PCDH9: variants seen among roughly 807,000 people sequenced by gnomAD.
The protein encoded by PCDH9 is protocadherin 9, also known as protocadherin-9.
Under a neutral mutation model 70.6 loss-of-function variants are expected in PCDH9, and 24 were observed. That is an observed-to-expected ratio of 0.34 (90% CI 0.25 to 0.48). The LOEUF (loss-of-function observed/expected upper bound fraction) is 0.48. Among genes scored for constraint, PCDH9 ranks in the 20% least tolerant of loss-of-function variants. The pLI is 0.99. For synonymous variants in PCDH9, 562 were observed against 558.5 expected (o/e 1.01, Z -0.09); for missense variants, 1,281 against 1,503.6 (o/e 0.85, Z 2.45).
At chr13:66,344,135 G>T (rs111923491) in intron 4 of PCDH9, among the ~76,000 whole-genome samples, 87 of 151,924 alleles carry the variant, frequency 5.7e-4, no homozygotes, top group African/African-American at 1.7e-3. Flanking sequence ...AAGTTTTGGG[G>T]TTTTTTTTGT....
chr13:66,874,974 A>C (rs1412379122), intron 3 of PCDH9, among the ~76,000 whole-genome samples: 1 of 150,918 alleles, frequency 6.6e-6, no homozygotes, highest in Non-Finnish European at 1.5e-5. Context: ...ACAGAGAGAT[A>C]TGTAGAAGGG....
At chr13:66,528,988 T>C (rs1367454420) in intron 4 of PCDH9, among the ~76,000 whole-genome samples, 3 of 152,158 alleles carry the variant, frequency 2.0e-5, no homozygotes, top group African/African-American at 7.2e-5. Context: ...CCTTCTCTAC[T>C]CTTCTCTAGC....
chr13:67,108,471 T>G (rs1010398610), intron 2 of PCDH9, among the ~76,000 whole-genome samples: 1 of 152,182 alleles, frequency 6.6e-6, no homozygotes, highest in Admixed American at 6.5e-5. Flanking sequence ...AAAAAACTCA[T>G]GACAAAGCAA....
At chr13:67,139,824 T>C (rs1197808928) in intron 2 of PCDH9, among the ~76,000 whole-genome samples, 7 of 152,314 alleles carry the variant, frequency 4.6e-5, no homozygotes, top group African/African-American at 1.7e-4. Flanking sequence ...TCCAAAGCAG[T>C]TCACATCAGC....
intron 2 of PCDH9, among the ~76,000 whole-genome samples, chr13:66,980,140 C>A (rs2083712527): frequency 6.6e-6 from 1 of 151,216 alleles, no homozygotes; most frequent in East Asian, 1.9e-4. Context: ...ATCATCACTT[C>A]TGATCCTTCC....
chr13:66,419,235 A>G (rs1957518856), intron 4 of PCDH9, among the ~76,000 whole-genome samples: 1 of 152,104 alleles, frequency 6.6e-6, no homozygotes. Flanking sequence ...AACTTGGCAA[A>G]GACACAACAA....
intron 3 of PCDH9, among the ~76,000 whole-genome samples, chr13:66,660,320 G>A (rs1037002050): frequency 6.6e-6 from 1 of 151,350 alleles, no homozygotes; most frequent in African/African-American, 2.4e-5. Flanking sequence ...TTTACTGTGA[G>A]TTTCCTTTTT....
intron 2 of PCDH9, among the ~76,000 whole-genome samples, chr13:67,188,646 A>T (rs1268651839): frequency 3.3e-5 from 5 of 152,188 alleles, no homozygotes; most frequent in Non-Finnish European, 5.9e-5. Flanking sequence ...GAAAGCTTTT[A>T]CTTTACTGGT....
chr13:66,481,680 A>G (rs1048224006), intron 4 of PCDH9, among the ~76,000 whole-genome samples: 2 of 152,210 alleles, frequency 1.3e-5, no homozygotes, highest in African/African-American at 4.8e-5. Flanking sequence ...CATTTAAAAC[A>G]TCTGTGTTGT....
intron 3 of PCDH9, among the ~76,000 whole-genome samples, chr13:66,679,046 C>T (rs1193240754): frequency 6.6e-6 from 1 of 151,420 alleles, no homozygotes; most frequent in Non-Finnish European, 1.5e-5. Context: ...TGAATGAGTG[C>T]TTATATTATA....
intron 3 of PCDH9, among the ~76,000 whole-genome samples, chr13:66,768,363 G>A (rs1205951538): frequency 6.6e-6 from 1 of 151,956 alleles, no homozygotes; most frequent in Non-Finnish European, 1.5e-5. Context: ...CAAAGCTTTT[G>A]AGGTAATCCA....
chr13:67,019,092 C>G (rs564386975), intron 2 of PCDH9, among the ~76,000 whole-genome samples: 1 of 152,124 alleles, frequency 6.6e-6, no homozygotes, highest in South Asian at 2.1e-4. Context: ...AATGTCCTCC[C>G]TCACAAAGTT....
At chr13:66,340,759 G>A (rs111964937) in intron 4 of PCDH9, among the ~76,000 whole-genome samples, 2,089 of 152,266 alleles carry the variant, frequency 0.014, 39 homozygotes, top group African/African-American at 0.047. Context: ...TGCTCAGATC[G>A]CCTACCTGTG....
At chr13:66,713,490 C>A (rs1349793768) in intron 3 of PCDH9, among the ~76,000 whole-genome samples, 3 of 150,742 alleles carry the variant, frequency 2.0e-5, no homozygotes, top group African/African-American at 4.9e-5. Context: ...AGATGATTAC[C>A]CCTCATTATA....
chr13:66,701,894 G>A (rs2078652512), intron 3 of PCDH9, among the ~76,000 whole-genome samples: 1 of 152,032 alleles, frequency 6.6e-6, no homozygotes, highest in Non-Finnish European at 1.5e-5. Flanking sequence ...TCTGATGCAG[G>A]GATTGTTACT....
chr13:66,617,965 G>A (rs2077378230), intron 4 of PCDH9, among the ~76,000 whole-genome samples: 3 of 152,126 alleles, frequency 2.0e-5, no homozygotes, highest in Admixed American at 6.5e-5. Flanking sequence ...AGGTGGGAGG[G>A]GGTCCCTGGG....
chr13:66,932,681 T>TATATATATATATATACAC (rs1313632174), intron 2 of PCDH9, among the ~76,000 whole-genome samples: 24 of 114,824 alleles, frequency 2.1e-4, no homozygotes, highest in African/African-American at 6.8e-4. Flanking sequence ...TATATATATA[T>TATATATATATATATACAC]ACACACACAC....
At chr13:66,682,212 T>A (rs755537278) in intron 3 of PCDH9, among the ~76,000 whole-genome samples, 1 of 152,034 alleles carries the variant, frequency 6.6e-6, no homozygotes, top group Non-Finnish European at 1.5e-5. Context: ...AGACCTCATA[T>A]GTACTGCATA....
chr13:66,627,567 T>C (rs2077515331), intron 4 of PCDH9, among the ~76,000 whole-genome samples: 1 of 152,202 alleles, frequency 6.6e-6, no homozygotes, highest in African/African-American at 2.4e-5. Context: ...AGAGAACTGC[T>C]GGCCTCTAGG....
Sources: gnomAD v4.1 joint callset for allele counts (sites outside exome capture counted in the v4.1 genomes callset) on GRCh38, gnomAD v4.1.1 for gene constraint, MANE v1.5 for transcripts, NCBI Gene and HGNC (gene_info 2026-07-23, HGNC 2026-07-21) for gene names.